VSTM4: variants seen among roughly 807,000 people sequenced by gnomAD.
VSTM4 encodes the protein V-set and transmembrane domain containing 4.
Under a neutral mutation model 36.4 loss-of-function variants are expected in VSTM4, and 20 were observed. The ratio of observed to expected loss-of-function variants is 0.55; its 90% CI spans 0.39 to 0.80. VSTM4 has a LOEUF of 0.80. Among genes scored for constraint, VSTM4 ranks in the 30% least tolerant of loss-of-function variants. The pLI, the probability that VSTM4 is intolerant of heterozygous loss-of-function variation, is 0.00. For synonymous variants in VSTM4, 182 were observed against 173.9 expected (o/e 1.05, Z -0.37); for missense variants, 392 against 404.5 (o/e 0.97, Z 0.26).
chr10:49,031,398 A>G (rs1187448335), intron 7 of VSTM4, among the ~76,000 whole-genome samples: 1 of 152,248 alleles, frequency 6.6e-6, no homozygotes, highest in African/African-American at 2.4e-5. Context: ...AATGTGCTTG[A>G]AAAAATACCT....
intron 3 of VSTM4, among the ~76,000 whole-genome samples, chr10:49,078,280 A>G (rs866781583): frequency 2.6e-5 from 4 of 152,244 alleles, no homozygotes; most frequent in South Asian, 2.1e-4. Context: ...ACCTGTAACA[A>G]CCATTCAGCC....
chr10:49,112,334 T>C (rs956076740), intron 1 of VSTM4, among the ~76,000 whole-genome samples: 1 of 152,194 alleles, frequency 6.6e-6, no homozygotes, highest in African/African-American at 2.4e-5. Context: ...TCCCAGGCCT[T>C]CTCTGGTAGT....
At chr10:49,100,842 G>C (rs1844653633) in intron 2 of VSTM4, among the ~76,000 whole-genome samples, 1 of 152,068 alleles carries the variant, frequency 6.6e-6, no homozygotes, top group Admixed American at 6.5e-5. Context: ...ATAATAATTA[G>C]AATAGTGCTA....
At chr10:49,023,006 C>T (rs1843205109) in intron 7 of VSTM4, among the ~76,000 whole-genome samples, 1 of 152,042 alleles carries the variant, frequency 6.6e-6, no homozygotes. Context: ...CCAAAGCACA[C>T]TAAATAAATA....
chr10:49,036,435 G>A (rs1321358095), intron 7 of VSTM4, among the ~76,000 whole-genome samples: 1 of 151,878 alleles, frequency 6.6e-6, no homozygotes, highest in Non-Finnish European at 1.5e-5. Flanking sequence ...ATTTTAAATC[G>A]AGATTATGAA....
chr10:49,035,669 C>CCA (rs1843417498), intron 7 of VSTM4, among the ~76,000 whole-genome samples: 1 of 69,296 alleles, frequency 1.4e-5, no homozygotes. Flanking sequence ...CCCAGCTCCA[C>CCA]AAAAAAAAAA....
At chr10:49,045,238 CAACT>C (rs1456533180) in intron 7 of VSTM4, among the ~76,000 whole-genome samples, 9 of 151,930 alleles carry the variant, frequency 5.9e-5, no homozygotes, top group Admixed American at 5.2e-4. Flanking sequence ...CACACACACA[CAACT>C]AACTGCTGAA....
intron 5 of VSTM4, among the ~76,000 whole-genome samples, chr10:49,052,337 A>G (rs1376212429): frequency 6.6e-6 from 1 of 151,824 alleles, no homozygotes; most frequent in Non-Finnish European, 1.5e-5. Context: ...TTTGATTTGC[A>G]TTTCTCTGAT....
intron 3 of VSTM4, among the ~76,000 whole-genome samples, chr10:49,078,886 C>T (rs1296150834): frequency 2.6e-5 from 4 of 152,214 alleles, no homozygotes; most frequent in African/African-American, 9.6e-5. Flanking sequence ...GGCTGGAGCG[C>T]AGTGGCATAA....
At chr10:49,102,607 T>C (rs988849080) in intron 2 of VSTM4, 7 of 985,218 alleles carry the variant, frequency 7.1e-6, no homozygotes, top group African/African-American at 7.0e-5. Flanking sequence ...TGATGGAAGA[T>C]GAAAGCTGGA....
chr10:49,097,049 A>T (rs1315819379), intron 2 of VSTM4, among the ~76,000 whole-genome samples: 1 of 152,096 alleles, frequency 6.6e-6, no homozygotes, highest in East Asian at 1.9e-4. Context: ...ACTCCTGTGA[A>T]CACCAGCAGC....
At chr10:49,082,961 A>G (rs1221061952) in intron 3 of VSTM4, among the ~76,000 whole-genome samples, 2 of 152,146 alleles carry the variant, frequency 1.3e-5, no homozygotes, top group African/African-American at 4.8e-5. Flanking sequence ...CGCCCTCCCA[A>G]ACAGCCCCAC....
At chr10:49,040,538 G>A (rs899312661) in intron 7 of VSTM4, among the ~76,000 whole-genome samples, 4 of 151,788 alleles carry the variant, frequency 2.6e-5, no homozygotes, top group Non-Finnish European at 4.4e-5. Context: ...AGCCTGCCTC[G>A]GCCTCCCAAA....
intron 4 of VSTM4, among the ~76,000 whole-genome samples, chr10:49,065,436 A>G (rs1268448093): frequency 1.3e-5 from 2 of 152,148 alleles, no homozygotes; most frequent in African/African-American, 4.8e-5. Context: ...CCCCCTCCCA[A>G]ACTGACTCTG....
chr10:49,093,751 T>TG (rs1360561416), intron 2 of VSTM4, among the ~76,000 whole-genome samples: 2 of 146,156 alleles, frequency 1.4e-5, no homozygotes, highest in Non-Finnish European at 3.0e-5. Context: ...TCTTTTTTTT[T>TG]TTTTTTTTTT....
chr10:49,057,417 C>T lies in VSTM4; in HGVS notation c.668+7286G>A, dbSNP rs561713648. Reference sequence around the variant, plus strand: ...TCTCTCATTGAATTCCTATGGAAACCCTTAGCGACAGGGACAACAGGCAAG... The same window carrying T: ...TCTCTCATTGAATTCCTATGGAAACTCTTAGCGACAGGGACAACAGGCAAG... On this transcript the variant is annotated intron_variant, in intron 5 of 7. Transcript: ENST00000332853. 4.6e-5 allele frequency among the ~76,000 whole-genome samples: 7 copies of T among 152,274 alleles called. No homozygotes were observed. In the South Asian group the frequency reaches 6.2e-4, roughly 14 times the overall value.
At position 49,016,721 on chromosome 10, in the gene VSTM4, C is replaced by T. The variant is rs2244967; in HGVS notation, c.*2929G>A. 102,883 of 152,208 alleles carry T rather than the reference C, an allele frequency of 0.68. 36,614 individuals carry two copies. The highest frequency in any genetic ancestry group is 0.8 in the Non-Finnish European group (54,526 of 68,018). 9.4% of individuals were successfully genotyped at this position (152,208 alleles called of 1,614,324 possible). A position where few individuals can be genotyped will look rare whatever the true frequency, so the allele number is the denominator to read the frequency against. ...GAGGCCTGGCTTTTCCTTATTTTCC[C>T]TGTGAGCTAACAGAGTGGCGGTACA... On this transcript the variant is annotated 3_prime_UTR_variant, in exon 8 of 8. Transcript: ENST00000332853.
chr10:49,068,692 C>T (rs1160163754), intron 4 of VSTM4, among the ~76,000 whole-genome samples: 2 of 152,110 alleles, frequency 1.3e-5, no homozygotes, highest in African/African-American at 2.4e-5. Context: ...CCAGATTAGC[C>T]TCCCCAAGAA....
At chr10:49,102,762 A>G (rs903818503) in intron 2 of VSTM4, 1 of 985,460 alleles carries the variant, frequency 1.0e-6, no homozygotes. Flanking sequence ...TTGACAAAGA[A>G]CATTTTATTC....
Sources: allele counts gnomAD v4.1 joint callset (sites outside exome capture counted in the v4.1 genomes callset), GRCh38; gene constraint gnomAD v4.1.1; transcripts MANE v1.5; gene names NCBI Gene and HGNC (gene_info 2026-07-23, HGNC 2026-07-21).